SLC44A1: variants seen among roughly 807,000 people sequenced by gnomAD.
The protein encoded by SLC44A1 is choline transporter-like protein 1.
A neutral mutation model predicts 79.3 loss-of-function variants in SLC44A1; 26 were observed. That is an observed-to-expected ratio of 0.33 (90% confidence interval 0.24 to 0.46). The LOEUF is 0.46. Among genes scored for constraint, SLC44A1 ranks in the 20% least tolerant of loss-of-function variants. The pLI, the probability that SLC44A1 is intolerant of heterozygous loss-of-function variation, is 1.00. For missense variants in SLC44A1, 688 were observed against 798.1 expected, an observed-to-expected ratio of 0.86 and a Z score of 1.66; for synonymous variants, 263 against 286.2, an observed-to-expected ratio of 0.92 and a Z score of 0.82.
intron 7 of SLC44A1, among the ~76,000 whole-genome samples, chr9:105,360,481 A>G (rs1827748010): frequency 6.6e-6 from 1 of 152,216 alleles, no homozygotes; most frequent in Non-Finnish European, 1.5e-5. Flanking sequence ...CAGCTAGAAC[A>G]ATAGGTGCTG....
intron 13 of SLC44A1, among the ~76,000 whole-genome samples, chr9:105,376,939 A>T (rs990256674): frequency 2.6e-5 from 4 of 152,218 alleles, no homozygotes; most frequent in South Asian, 2.1e-4. Flanking sequence ...GTTCAAACTC[A>T]GGTCTGTCTG....
intron 13 of SLC44A1, among the ~76,000 whole-genome samples, chr9:105,379,383 C>T (rs772097987): frequency 6.6e-6 from 1 of 152,074 alleles, no homozygotes; most frequent in African/African-American, 2.4e-5. Flanking sequence ...TGAAGGGTTC[C>T]AGTGATGATG....
intron 15 of SLC44A1, among the ~76,000 whole-genome samples, chr9:105,406,483 A>G (rs1461574323): frequency 1.3e-5 from 2 of 152,196 alleles, no homozygotes; most frequent in African/African-American, 4.8e-5. Flanking sequence ...GCTCACACCT[A>G]TAATCTCAAT....
rs1325738399 is a variant in SLC44A1, at chr9:105,395,904, T to C, written c.*6848T>C. 1 of 984,888 alleles carries C rather than the reference T, an allele frequency of 1.0e-6. No homozygotes were observed. The highest frequency in any genetic ancestry group is 1.7e-5 in the African/African-American group (1 of 57,172). The allele number at this position is 984,888 out of a possible 1,614,324, so 61.0% of individuals were successfully genotyped here. Reference sequence around the variant, plus strand: ...GTTGATAATCCGGTGGTGACTTTTTTTTTTTTTTTGTAAATTGTATTAGAT... The same window carrying C: ...GTTGATAATCCGGTGGTGACTTTTTCTTTTTTTTTGTAAATTGTATTAGAT... On this transcript the variant is annotated 3_prime_UTR_variant, in exon 16 of 16. Transcript: ENST00000374720.
At chr9:105,264,918 T>C (rs1003392623) in intron 1 of SLC44A1, among the ~76,000 whole-genome samples, 14 of 151,772 alleles carry the variant, frequency 9.2e-5, no homozygotes, top group African/African-American at 3.4e-4. Flanking sequence ...TGCCTCAGCC[T>C]CCCGAGTAGC....
Position 105,390,184 on chromosome 9 carries a change from G to T in SLC44A1, c.*1128G>T. The T allele has an allele frequency of 8.5e-7, 1 of 1,182,436 alleles. No homozygotes were observed. Among genetic ancestry groups the T allele is most frequent in the Non-Finnish European group, 1.0e-6 (1 of 955,248 alleles). 73.2% of individuals were successfully genotyped at this position (1,182,436 alleles called of 1,614,324 possible). On this transcript the variant is annotated 3_prime_UTR_variant, in exon 16 of 16. Coordinates refer to ENST00000374720, the MANE Select transcript of SLC44A1 (RefSeq NM_080546.5). ...TTGTTTTTGTTTGGGGGTGGGTTTG[G>T]GGTTTTTTGCTTTTTTATTCCTGAA...
intron 1 of SLC44A1, among the ~76,000 whole-genome samples, chr9:105,286,486 A>T (rs558694791): frequency 4.6e-5 from 7 of 152,298 alleles, no homozygotes; most frequent in Non-Finnish European, 1.0e-4. Flanking sequence ...ATTAGCTAAA[A>T]TCTGTCTCTT....
chr9:105,309,820 A>G lies in SLC44A1; in HGVS notation c.223A>G (p.Lys75Glu), dbSNP rs368046201. The G allele has an allele frequency of 1.6e-5, 26 of 1,613,912 alleles. No homozygotes were observed. The East Asian group carries it at 3.1e-4, about 19-fold the overall frequency. The change falls in exon 3 of 16, where the codon AAG becomes GAG. Residue 75 changes from lysine to glutamate, a missense_variant. Transcript: ENST00000374720. Reference sequence around the variant, plus strand: ...AAATATCTGTGGGCAGAAAAATACAAAGTTGGAAGCAATACCAAACAGTGG... The same window carrying G: ...AAATATCTGTGGGCAGAAAAATACAGAGTTGGAAGCAATACCAAACAGTGG... ...YGNICGQKNT[K>E]LEAIPNSGMD...
In SLC44A1 at chr9:105,273,614, G is replaced by A. The variant is rs10121261; in HGVS notation, c.37-25606G>A. 5.3e-3 allele frequency among the ~76,000 whole-genome samples: 800 copies of A among 152,174 alleles called. 6 individuals carry two copies. Among genetic ancestry groups the A allele is most frequent in the African/African-American group, 0.019 (774 of 41,520 alleles). ...TTGCAACTGAGTGAATTTCATTCAA[G>A]CAGTAGGAATCTTGAAGATGTGAGT... is the stretch of plus-strand genomic sequence containing the variant. On this transcript the variant is annotated intron_variant, in intron 1 of 15. Coordinates refer to ENST00000374720, the MANE Select transcript of SLC44A1 (RefSeq NM_080546.5).
intron 1 of SLC44A1, among the ~76,000 whole-genome samples, chr9:105,291,016 C>T (rs1189247466): frequency 6.6e-6 from 1 of 152,176 alleles, no homozygotes; most frequent in Non-Finnish European, 1.5e-5. Flanking sequence ...ACTCCAGATC[C>T]TTGACAGAGC....
chr9:105,313,412 C>T lies in SLC44A1; in HGVS notation c.269+3546C>T, dbSNP rs532904187. 3.3e-5 allele frequency among the ~76,000 whole-genome samples: 5 copies of T among 152,264 alleles called. No homozygotes were observed. In the South Asian group the frequency reaches 1.0e-3, roughly 32 times the overall value. On this transcript the variant is annotated intron_variant, in intron 3 of 15. Coordinates refer to ENST00000374720, the MANE Select transcript of SLC44A1 (RefSeq NM_080546.5). ...GGTCAGAAATCTGGATGTGGCTTAC[C>T]TGGGTCTTCAGCCACAGAGTCTCTC...
intron 1 of SLC44A1, among the ~76,000 whole-genome samples, chr9:105,294,190 TCA>T (rs780913233): frequency 2.5e-4 from 38 of 152,374 alleles, no homozygotes; most frequent in South Asian, 6.2e-4. Context: ...AGGAATATAT[TCA>T]CACACTTATT....
chr9:105,411,764 C>CT (rs1564055729), intron 15 of SLC44A1, among the ~76,000 whole-genome samples: 1 of 152,056 alleles, frequency 6.6e-6, no homozygotes, highest in Admixed American at 6.6e-5. Flanking sequence ...CAAGGTATGC[C>CT]TTTTTGGCAG....
intron 15 of SLC44A1, among the ~76,000 whole-genome samples, chr9:105,427,837 TATC>T (rs1452806325): frequency 6.6e-6 from 1 of 152,200 alleles, no homozygotes; most frequent in Non-Finnish European, 1.5e-5. Flanking sequence ...CAGATACTCA[TATC>T]ATCATTCTTA....
intron 15 of SLC44A1, among the ~76,000 whole-genome samples, chr9:105,421,461 A>G (rs1376899849): frequency 6.6e-6 from 1 of 152,166 alleles, no homozygotes; most frequent in Non-Finnish European, 1.5e-5. Context: ...TAAGCATTAG[A>G]GCCACCGTCA....
Position 105,393,954 on chromosome 9 carries a change from A to T in SLC44A1, c.*4898A>T. ...AATGTCTCAGAAATTTCTCACTTTT[A>T]TTTGCTAAGACCTGAATTTAATATT... On this transcript the variant is annotated 3_prime_UTR_variant, in exon 16 of 16. Transcript: ENST00000374720. 2 of 984,158 alleles carry T rather than the reference A, an allele frequency of 2.0e-6. No individual in the cohort carries two copies. The highest frequency in any genetic ancestry group is 2.4e-6 in the Non-Finnish European group (2 of 828,824). 61.0% of individuals were successfully genotyped at this position (984,158 alleles called of 1,614,324 possible).
rs58632633 is a variant in SLC44A1, at chr9:105,394,443, TTG to T, written c.*5405_*5406del. ...TATGTGTGTGTGTGTGTGTGTGTGT[TTG>T]TGTGTGTGTGTGTGTGTCCTGGCGG... On this transcript the variant is annotated 3_prime_UTR_variant, in exon 16 of 16. Coordinates refer to ENST00000374720, the MANE Select transcript of SLC44A1 (RefSeq NM_080546.5). The T allele has an allele frequency of 1.9e-5, 17 of 886,596 alleles. No individual in the cohort carries two copies. In the South Asian group the frequency reaches 2.1e-4, roughly 11 times the overall value. The allele number at this position is 886,596 out of a possible 1,614,324, so 54.9% of individuals were successfully genotyped here.
chr9:105,375,187 G>A (rs537082681), intron 13 of SLC44A1, among the ~76,000 whole-genome samples: 9 of 152,186 alleles, frequency 5.9e-5, no homozygotes, highest in African/African-American at 1.7e-4. Context: ...GATTACAGGC[G>A]TGCCACCACG....
At chr9:105,416,187 G>A (rs988120016) in intron 15 of SLC44A1, among the ~76,000 whole-genome samples, 4 of 151,748 alleles carry the variant, frequency 2.6e-5, no homozygotes, top group East Asian at 1.9e-4. Context: ...ATGAGCCACC[G>A]CACCCAGCCT....
Sources: gnomAD v4.1 joint callset for allele counts (sites outside exome capture counted in the v4.1 genomes callset) on GRCh38, gnomAD v4.1.1 for gene constraint, MANE v1.5 for transcripts, NCBI Gene and HGNC (gene_info 2026-07-23, HGNC 2026-07-21) for gene names.